PTPN5: variants seen among roughly 807,000 people sequenced by gnomAD.
PTPN5 encodes the protein tyrosine-protein phosphatase non-receptor type 5.
Under a neutral mutation model 73.9 loss-of-function variants are expected in PTPN5, and 29 were observed. That is an observed-to-expected ratio of 0.39 (90% confidence interval 0.29 to 0.54). PTPN5 has a LOEUF of 0.54. Among genes scored for constraint, PTPN5 ranks in the 20% least tolerant of loss-of-function variants. PTPN5 has a pLI of 0.65. For synonymous variants in PTPN5, 267 were observed against 304.7 expected, an observed-to-expected ratio of 0.88 and a Z score of 1.29; for missense variants, 652 against 751.4, an observed-to-expected ratio of 0.87 and a Z score of 1.55.
In PTPN5 at chr11:18,733,276, GC is replaced by G; in HGVS notation, c.1176del (p.Ile394SerfsTer4). ...DFWRMVWQEH[T>X]PIIVMITNIE... ...ATGTTGGTGATCATGACAATGATGG[GC>G]GTGTGCTCCTGCCACACCATGCGCC... On this transcript the variant is annotated frameshift_variant, in exon 11 of 15. Coordinates refer to ENST00000358540, the MANE Select transcript of PTPN5 (RefSeq NM_006906.2). LOFTEE classifies it high-confidence loss of function. The surrounding 1 kb of genome is among the most constrained non-coding windows in gnomAD (Gnocchi z 4.3). 6.2e-7 allele frequency: 1 copy of G among 1,614,050 alleles called. No individual in the cohort carries two copies. Among genetic ancestry groups the G allele is most frequent in the Non-Finnish European group, 8.5e-7 (1 of 1,179,968 alleles).
intron 12 of PTPN5, chr11:18,730,051 C>T: frequency 1.7e-6 from 1 of 590,578 alleles, no homozygotes; most frequent in Non-Finnish European, 3.0e-6. Flanking sequence ...GCCTTTGGTC[C>T]TGCCCCAACA....
chr11:18,768,083 G>A (rs934250880), intron 2 of PTPN5, among the ~76,000 whole-genome samples: 7 of 152,200 alleles, frequency 4.6e-5, no homozygotes, highest in Non-Finnish European at 7.3e-5. Flanking sequence ...TCAAAGCCTC[G>A]CACAGTGCCT....
intron 3 of PTPN5, among the ~76,000 whole-genome samples, chr11:18,760,727 C>G (rs548610941): frequency 6.6e-6 from 1 of 152,360 alleles, no homozygotes; most frequent in Admixed American, 6.5e-5. Flanking sequence ...TACTTTGTTC[C>G]CAAGAGCAGC....
chr11:18,774,416 C>T (rs1009443877), intron 1 of PTPN5, among the ~76,000 whole-genome samples: 9 of 152,326 alleles, frequency 5.9e-5, no homozygotes, highest in Middle Eastern at 3.4e-3. Flanking sequence ...TGCCCTCCCT[C>T]GCTGACAACA....
intron 9 of PTPN5, among the ~76,000 whole-genome samples, chr11:18,734,506 G>A (rs971076968): frequency 6.6e-5 from 10 of 152,030 alleles, no homozygotes; most frequent in African/African-American, 2.2e-4. Context: ...ATTTTTATTT[G>A]TTTATTTTGG....
At chr11:18,782,747 A>G (rs1339053049) in intron 1 of PTPN5, among the ~76,000 whole-genome samples, 2 of 152,234 alleles carry the variant, frequency 1.3e-5, no homozygotes, top group Non-Finnish European at 2.9e-5. Context: ...CTTAAGATCT[A>G]TACATTGGAC....
At chr11:18,739,892 G>A (rs936977845) in intron 8 of PTPN5, among the ~76,000 whole-genome samples, 7 of 152,218 alleles carry the variant, frequency 4.6e-5, no homozygotes, top group Non-Finnish European at 1.0e-4. Flanking sequence ...GGCAAGGTCC[G>A]AGATGTGCCG....
chr11:18,759,582 T>C (rs1731729130), intron 3 of PTPN5, among the ~76,000 whole-genome samples: 1 of 152,250 alleles, frequency 6.6e-6, no homozygotes, highest in Non-Finnish European at 1.5e-5. Flanking sequence ...GCCCAGTTAG[T>C]GTTCTTAGCA....
chr11:18,734,755 G>T (rs1478709314), intron 9 of PTPN5, among the ~76,000 whole-genome samples: 1 of 152,224 alleles, frequency 6.6e-6, no homozygotes. Context: ...GGGGGAAGCT[G>T]GCTGGGGCCC....
intron 3 of PTPN5, chr11:18,749,353 C>T: frequency 3.9e-6 from 2 of 518,560 alleles, no homozygotes; most frequent in Non-Finnish European, 7.7e-6. Context: ...GTGTCTTGGC[C>T]AAGTAAGTGC....
At chr11:18,730,166 A>C (rs1848812293) in intron 12 of PTPN5, 1 of 467,434 alleles carries the variant, frequency 2.1e-6, no homozygotes, top group East Asian at 3.4e-5. Context: ...CCTTTGTCAC[A>C]TAACCCAGCC....
Position 18,742,171 on chromosome 11 carries a change from C to T in PTPN5, c.725+91G>A. 6.5e-7 allele frequency: 1 copy of T among 1,548,700 alleles called. No individual in the cohort carries two copies. Among genetic ancestry groups the T allele is most frequent in the Non-Finnish European group, 8.8e-7 (1 of 1,138,002 alleles). On this transcript the variant is annotated intron_variant, in intron 7 of 14. Transcript: ENST00000358540. The surrounding 1 kb of genome is among the most constrained non-coding windows in gnomAD (Gnocchi z 4.1). ...GCTATAAGGCCAGCTCTGCCCTGGG[C>T]ACCAGGAGTCAGAGTCAGGCATCCA...
intron 3 of PTPN5, among the ~76,000 whole-genome samples, chr11:18,755,948 G>A (rs1363551364): frequency 1.3e-5 from 2 of 149,528 alleles, no homozygotes; most frequent in Non-Finnish European, 3.0e-5. Context: ...AGGTTGCAGT[G>A]AGCCGAGATC....
At chr11:18,780,653 C>A (rs938549273) in intron 1 of PTPN5, among the ~76,000 whole-genome samples, 1 of 152,118 alleles carries the variant, frequency 6.6e-6, no homozygotes, top group Non-Finnish European at 1.5e-5. Flanking sequence ...CTTCCCCCAG[C>A]ACTTTTTGTG....
chr11:18,749,330 TTA>T, intron 3 of PTPN5: 1 of 516,296 alleles, frequency 1.9e-6, no homozygotes, highest in Non-Finnish European at 3.9e-6. Context: ...AAATCAAGGC[TTA>T]GAGAGGTTAA....
At chr11:18,744,270 G>A in intron 3 of PTPN5, 71 bp from the exon 4 acceptor site, 2 of 1,362,648 alleles carry the variant, frequency 1.5e-6, no homozygotes, top group Non-Finnish European at 9.6e-7. Context: ...CACCCCTTTT[G>A]GGGTGGCTGT....
At chr11:18,749,380 C>T (rs560710625) in intron 3 of PTPN5, 1 of 518,754 alleles carries the variant, frequency 1.9e-6, no homozygotes, top group African/African-American at 1.9e-5. Flanking sequence ...GAGATTCAAA[C>T]CCAGGGCTTT....
intron 1 of PTPN5, among the ~76,000 whole-genome samples, chr11:18,774,441 G>C (rs1851048922): frequency 6.6e-6 from 1 of 152,216 alleles, no homozygotes; most frequent in Admixed American, 6.5e-5. Context: ...GGCGTTGCTG[G>C]GCCTGCAGGT....
At chr11:18,790,517 C>G (rs1392175550) in intron 1 of PTPN5, among the ~76,000 whole-genome samples, 1 of 152,182 alleles carries the variant, frequency 6.6e-6, no homozygotes, top group South Asian at 2.1e-4. Flanking sequence ...TTCTCCCAAA[C>G]GAATCCCAAA....
Sources: gnomAD v4.1 joint callset for allele counts (sites outside exome capture counted in the v4.1 genomes callset) on GRCh38, gnomAD v4.1.1 for gene constraint, Gnocchi (gnomAD v3.1) non-coding constraint, MANE v1.5 for transcripts, NCBI Gene and HGNC (gene_info 2026-07-23, HGNC 2026-07-21) for gene names.